GSG1L: variants seen among roughly 807,000 people sequenced by gnomAD.
The protein encoded by GSG1L is GSG1 like.
A neutral mutation model predicts 42.1 loss-of-function variants in GSG1L; 24 were observed. The ratio of observed to expected loss-of-function variants is 0.57; its 90% confidence interval spans 0.41 to 0.80. The LOEUF is 0.80. Among genes scored for constraint, GSG1L ranks in the 30% least tolerant of loss-of-function variants. GSG1L has a pLI of 0.00. For synonymous variants in GSG1L, 215 were observed against 203.5 expected, an observed-to-expected ratio of 1.06 and a Z score of -0.48; for missense variants, 445 against 472.2, an observed-to-expected ratio of 0.94 and a Z score of 0.53.
chr16:28,043,864 A>G (rs545117302), intron 1 of GSG1L, among the ~76,000 whole-genome samples: 1 of 152,024 alleles, frequency 6.6e-6, no homozygotes, highest in East Asian at 2.0e-4. Context: ...TCTGTAAAAA[A>G]TACATAAATT....
intron 2 of GSG1L, among the ~76,000 whole-genome samples, chr16:27,910,074 C>G (rs1013668440): frequency 6.6e-6 from 1 of 151,394 alleles, no homozygotes; most frequent in African/African-American, 2.4e-5. Flanking sequence ...ATTCTCCTGC[C>G]TCAGCCTCCT....
chr16:27,912,229 T>C lies in GSG1L; in HGVS notation c.398-27591A>G, dbSNP rs1222537093. Among the ~76,000 whole-genome samples the C allele has an allele frequency of 5.9e-5, 9 of 152,228 alleles. No homozygotes were observed. The East Asian group carries it at 1.7e-3, about 29-fold the overall frequency. Reference sequence around the variant, plus strand: ...AGACAACTGGCATTAAGACCAAAGGTCTGGCTGGGCACAGTGGCTCATGCC... The same window carrying C: ...AGACAACTGGCATTAAGACCAAAGGCCTGGCTGGGCACAGTGGCTCATGCC... On this transcript the variant is annotated intron_variant, in intron 2 of 6. Coordinates refer to ENST00000447459, the MANE Select transcript of GSG1L (RefSeq NM_001109763.2).
Position 28,003,662 on chromosome 16 carries a change from G to T in GSG1L, c.350-40459C>A, listed in dbSNP as rs567981631. Among the ~76,000 whole-genome samples, 6 of 152,294 alleles carry T rather than the reference G, an allele frequency of 3.9e-5. No homozygotes were observed. The South Asian group carries it at 1.2e-3, about 32-fold the overall frequency. On this transcript the variant is annotated intron_variant, in intron 1 of 6. Coordinates refer to ENST00000447459, the MANE Select transcript of GSG1L (RefSeq NM_001109763.2). ...AGAGGAGAAGAACTGGGCCGGCCAG[G>T]TCTCTCCAAAGTGTCCGTTCCCCAG...
intron 4 of GSG1L, among the ~76,000 whole-genome samples, chr16:27,839,384 G>A (rs2083354559): frequency 6.6e-6 from 1 of 152,218 alleles, no homozygotes; most frequent in Admixed American, 6.5e-5. Context: ...GTGAATGCTT[G>A]AGATAAGATT....
chr16:27,877,497 G>A (rs1343038107), intron 3 of GSG1L, among the ~76,000 whole-genome samples: 1 of 151,874 alleles, frequency 6.6e-6, no homozygotes, highest in Admixed American at 6.6e-5. Context: ...CATTTCATGG[G>A]TCCCTAGCAG....
chr16:28,046,543 C>T (rs1219422445), intron 1 of GSG1L, among the ~76,000 whole-genome samples: 1 of 151,704 alleles, frequency 6.6e-6, no homozygotes, highest in Non-Finnish European at 1.5e-5. Flanking sequence ...TTAGTAGAGA[C>T]GGGGGTTTCA....
intron 1 of GSG1L, among the ~76,000 whole-genome samples, chr16:28,001,786 C>A (rs571418149): frequency 1.2e-4 from 18 of 152,144 alleles, no homozygotes; most frequent in Non-Finnish European, 2.1e-4. Flanking sequence ...AGAAGGGGGC[C>A]CAAGGTTGGC....
chr16:27,879,929 G>A (rs1314810901), intron 3 of GSG1L, among the ~76,000 whole-genome samples: 1 of 150,592 alleles, frequency 6.6e-6, no homozygotes, highest in Admixed American at 6.6e-5. Context: ...ACCCATGGCT[G>A]CAGAGGGCTG....
intron 1 of GSG1L, among the ~76,000 whole-genome samples, chr16:28,048,709 G>A (rs1435129766): frequency 6.6e-6 from 1 of 152,294 alleles, no homozygotes; most frequent in East Asian, 1.9e-4. Flanking sequence ...TTAAAGCACT[G>A]CACTCATAGG....
chr16:28,028,510 C>CA (rs2085924427), intron 1 of GSG1L, among the ~76,000 whole-genome samples: 2 of 151,900 alleles, frequency 1.3e-5, no homozygotes, highest in Admixed American at 6.6e-5. Context: ...AACAATATAA[C>CA]AATAAGAATA....
At chr16:27,914,711 C>G (rs1333934657) in intron 2 of GSG1L, among the ~76,000 whole-genome samples, 1 of 151,884 alleles carries the variant, frequency 6.6e-6, no homozygotes, top group Non-Finnish European at 1.5e-5. Flanking sequence ...ATTTTGAAAG[C>G]ATTTAGCACA....
intron 1 of GSG1L, among the ~76,000 whole-genome samples, chr16:28,052,005 A>T (rs1441075369): frequency 6.6e-6 from 1 of 152,060 alleles, no homozygotes; most frequent in East Asian, 1.9e-4. Context: ...GGAGACGGGG[A>T]GAAATGGTGA....
At chr16:28,004,009 C>T (rs1297411452) in intron 1 of GSG1L, among the ~76,000 whole-genome samples, 1 of 152,224 alleles carries the variant, frequency 6.6e-6, no homozygotes, top group Non-Finnish European at 1.5e-5. Context: ...GCTGCTGGTG[C>T]CCACTGTGAG....
intron 1 of GSG1L, among the ~76,000 whole-genome samples, chr16:27,974,108 C>T (rs2085225658): frequency 6.6e-6 from 1 of 152,118 alleles, no homozygotes; most frequent in Non-Finnish European, 1.5e-5. Flanking sequence ...TTAAAGGCCC[C>T]TTGTATTCCC....
chr16:27,927,914 A>G (rs190692805), intron 2 of GSG1L, among the ~76,000 whole-genome samples: 109 of 152,186 alleles, frequency 7.2e-4, no homozygotes, highest in Middle Eastern at 3.4e-3. Context: ...GGACATCAGC[A>G]TTTCCTAAAA....
chr16:28,053,609 G>T (rs530167317), intron 1 of GSG1L, among the ~76,000 whole-genome samples: 5 of 152,174 alleles, frequency 3.3e-5, no homozygotes, highest in African/African-American at 1.2e-4. Flanking sequence ...AAGGCGAGGC[G>T]GGAAGGGCCA....
chr16:27,822,478 G>A (rs959110158), intron 5 of GSG1L, among the ~76,000 whole-genome samples: 2 of 152,062 alleles, frequency 1.3e-5, no homozygotes, highest in Non-Finnish European at 2.9e-5. Context: ...GAGCAGCGGC[G>A]CCATCATAGC....
intron 3 of GSG1L, among the ~76,000 whole-genome samples, chr16:27,850,119 C>T (rs1053862990): frequency 7.0e-6 from 1 of 143,274 alleles, no homozygotes; most frequent in African/African-American, 2.6e-5. Context: ...ACCTCTGCCT[C>T]CCGGGTTCAA....
intron 2 of GSG1L, among the ~76,000 whole-genome samples, chr16:27,890,499 G>C (rs1321806992): frequency 6.6e-6 from 1 of 152,222 alleles, no homozygotes; most frequent in Admixed American, 6.5e-5. Flanking sequence ...CGGTGGCCTG[G>C]ACTGTGGCCA....
Sources: allele counts gnomAD v4.1 joint callset (sites outside exome capture counted in the v4.1 genomes callset), GRCh38; gene constraint gnomAD v4.1.1; transcripts MANE v1.5; gene names NCBI Gene and HGNC (gene_info 2026-07-23, HGNC 2026-07-21).